TCF25: variants seen among roughly 807,000 people sequenced by gnomAD.
TCF25 encodes the protein TCF25 ribosome quality control complex subunit.
TCF25 carries 41 observed loss-of-function variants against 83.1 expected under a neutral mutation model. The ratio of observed to expected loss-of-function variants is 0.49; its 90% CI spans 0.38 to 0.64. The LOEUF (loss-of-function observed/expected upper bound fraction) is 0.64, where lower values mean the gene tolerates loss of function less well. Ranked by LOEUF, TCF25 falls within the 30% of genes least tolerant of loss-of-function variation. TCF25 has a pLI of 0.00. For missense variants in TCF25, 979 were observed against 914.5 expected, an observed-to-expected ratio of 1.07 and a Z score of -0.91; for synonymous variants, 458 against 365.0, an observed-to-expected ratio of 1.25 and a Z score of -2.90.
chr16:89,910,384 G>C (rs1257218752), intron 16 of TCF25: 3 of 601,526 alleles, frequency 5.0e-6, no homozygotes, highest in East Asian at 2.8e-5. Context: ...TGTTCCCGCT[G>C]TCCACAGCCC....
At chr16:89,906,481 G>C (rs1022008310) in intron 15 of TCF25, among the ~76,000 whole-genome samples, 197 bp downstream of exon 15, 1 of 152,056 alleles carries the variant, frequency 6.6e-6, no homozygotes, top group Non-Finnish European at 1.5e-5. Context: ...GTTGTTTTGA[G>C]AGAGAAATCC....
chr16:89,904,850 C>T, intron 13 of TCF25, 88 bp from the exon 14 acceptor site: 3 of 1,490,452 alleles, frequency 2.0e-6, no homozygotes, highest in Non-Finnish European at 2.7e-6. Context: ...CCTGGACCCC[C>T]CGTCTGCCCA....
chr16:89,881,692 G>C (rs999328007), intron 1 of TCF25, among the ~76,000 whole-genome samples: 2 of 151,962 alleles, frequency 1.3e-5, no homozygotes, highest in African/African-American at 4.8e-5. Flanking sequence ...TGATCCTCCT[G>C]CCTCAGCCTC....
At chr16:89,887,240 C>T (rs190017555) in intron 4 of TCF25, among the ~76,000 whole-genome samples, 57 of 152,156 alleles carry the variant, frequency 3.7e-4, no homozygotes, top group African/African-American at 1.3e-3. Flanking sequence ...ATGATTAATT[C>T]ATCTCTTGGT....
intron 14 of TCF25, among the ~76,000 whole-genome samples, chr16:89,905,373 A>C (rs1452528122): frequency 6.6e-6 from 1 of 152,148 alleles, no homozygotes; most frequent in Non-Finnish European, 1.5e-5. Flanking sequence ...GTGTTTCCAC[A>C]TGAGCTGTGA....
At chr16:89,881,598 G>A (rs187663685) in intron 1 of TCF25, among the ~76,000 whole-genome samples, 30 of 152,144 alleles carry the variant, frequency 2.0e-4, no homozygotes, top group Admixed American at 1.4e-3. Context: ...CTCAAGAGGT[G>A]TGTGCCACCA....
Position 89,898,656 on chromosome 16 carries a change from G to A in TCF25, c.1115+7G>A. The A allele has an allele frequency of 6.2e-7, 1 of 1,612,576 alleles. No homozygotes were observed. The highest frequency in any genetic ancestry group is 8.5e-7 in the Non-Finnish European group (1 of 1,179,944). ...ACTGCAAGCTCATCCTGAGGTGAGT[G>A]TCTGCTCAGGGCCAAGCCCGTCCAC... On this transcript the variant is annotated splice_region_variant and intron_variant, in intron 10 of 17. Coordinates refer to ENST00000263346, the MANE Select transcript of TCF25 (RefSeq NM_014972.3).
intron 2 of TCF25, chr16:89,883,847 GTCCT>G (rs1356222941): frequency 3.9e-6 from 1 of 255,690 alleles, no homozygotes. Context: ...GCGCACGTGT[GTCCT>G]TCCTAACTGT....
At position 89,910,566 on chromosome 16, in the gene TCF25, C is replaced by CT. The variant is rs759988788; in HGVS notation, c.1800-24dup. 9.6e-5 allele frequency: 154 copies of CT among 1,607,860 alleles called. No individual in the cohort carries two copies. In the African/African-American group the frequency reaches 1.7e-3, roughly 18 times the overall value. On this transcript the variant is annotated intron_variant, in intron 16 of 17. Transcript: ENST00000263346. ...CACGAGTCTCAGTTCAGTGTCGTTTCTGACTTTTCTTGACTTTCTTTCAGG... is the reference window on the plus strand; with the variant it reads ...CACGAGTCTCAGTTCAGTGTCGTTTCTTGACTTTTCTTGACTTTCTTTCAGG...
At chr16:89,886,882 A>G (rs1208192819) in intron 4 of TCF25, among the ~76,000 whole-genome samples, 1 of 151,520 alleles carries the variant, frequency 6.6e-6, no homozygotes, top group Non-Finnish European at 1.5e-5. Flanking sequence ...GGTTGCAGTG[A>G]GCCGAGATCG....
In TCF25 at chr16:89,902,643, C is replaced by T. The variant is rs1181719513; in HGVS notation, c.1382-1475C>T. Among the ~76,000 whole-genome samples the T allele has an allele frequency of 5.0e-4, 73 of 145,590 alleles. 4 individuals are homozygous for T. Among genetic ancestry groups the T allele is most frequent in the Non-Finnish European group, 9.1e-4 (59 of 65,110 alleles). On this transcript the variant is annotated intron_variant, in intron 12 of 17. Coordinates refer to ENST00000263346, the MANE Select transcript of TCF25 (RefSeq NM_014972.3). ...GGCAGAGCTTGCAGTGAGCCGAGAT[C>T]GCGCCACTGCACTCCAGCCTGGGCA... is the stretch of plus-strand genomic sequence containing the variant.
intron 1 of TCF25, among the ~76,000 whole-genome samples, chr16:89,879,210 G>C (rs1462715238): frequency 6.6e-6 from 1 of 151,390 alleles, no homozygotes; most frequent in Non-Finnish European, 1.5e-5. Flanking sequence ...CGTGTACACA[G>C]ATGGGCTTCG....
intron 5 of TCF25, among the ~76,000 whole-genome samples, chr16:89,891,868 C>T (rs1308692675): frequency 1.3e-5 from 2 of 152,102 alleles, no homozygotes; most frequent in Admixed American, 6.6e-5. Context: ...TGGGGTTTTG[C>T]TGTCTTGCCC....
intron 9 of TCF25, among the ~76,000 whole-genome samples, chr16:89,896,549 A>ATTT (rs869089266): frequency 1.9e-4 from 21 of 112,380 alleles, no homozygotes; most frequent in African/African-American, 4.0e-4. Context: ...TCAAAACAGC[A>ATTT]TTTTTTTTTT....
At chr16:89,904,841 C>T (rs2044642255) in intron 13 of TCF25, 97 bp from the exon 14 acceptor site, 3 of 1,458,114 alleles carry the variant, frequency 2.1e-6, no homozygotes, top group Non-Finnish European at 2.8e-6. Context: ...AGGGCACTCC[C>T]TGGACCCCCC....
intron 16 of TCF25, chr16:89,908,860 G>C (rs1380700330): frequency 3.5e-6 from 4 of 1,138,224 alleles, no homozygotes; most frequent in Non-Finnish European, 4.5e-6. Flanking sequence ...GCTCTCTCCT[G>C]CAGCTCTGAG....
intron 12 of TCF25, among the ~76,000 whole-genome samples, chr16:89,903,755 C>T (rs1240972887): frequency 3.3e-5 from 5 of 151,978 alleles, no homozygotes; most frequent in African/African-American, 9.7e-5. Flanking sequence ...TGCAGTGAGC[C>T]GAGATTTCGC....
intron 8 of TCF25, 117 bp downstream of exon 8, chr16:89,895,254 A>C (rs753877321): frequency 5.0e-5 from 45 of 902,568 alleles, no homozygotes; most frequent in Middle Eastern, 2.3e-4. Flanking sequence ...AGCTTTATTG[A>C]GATACAACCT....
rs188740963 is a variant in TCF25, at chr16:89,883,650, A to C, written c.354+138A>C. On this transcript the variant is annotated intron_variant, in intron 2 of 17. Transcript: ENST00000263346. ...TTTGGTTACCTGCTAGTTGCCCCCA[A>C]ATTTACTTGGGAACCTTGATGAGAT... 229 of 997,634 alleles carry C rather than the reference A, an allele frequency of 2.3e-4. 1 individual carries two copies. In the African/African-American group the frequency reaches 3.4e-3, roughly 15 times the overall value. The allele number at this position is 997,634 out of a possible 1,614,324, so 61.8% of individuals were successfully genotyped here. A position where few individuals can be genotyped will look rare whatever the true frequency, so the allele number is the denominator to read the frequency against.
Sources: allele counts gnomAD v4.1 joint callset (sites outside exome capture counted in the v4.1 genomes callset), GRCh38; gene constraint gnomAD v4.1.1; transcripts MANE v1.5; gene names NCBI Gene and HGNC (gene_info 2026-07-23, HGNC 2026-07-21).